SOX5: variants seen among roughly 807,000 people sequenced by gnomAD.
SOX5 encodes the protein SRY-box transcription factor 5.
A neutral mutation model predicts 92.0 loss-of-function variants in SOX5; 9 were observed. The ratio of observed to expected loss-of-function variants is 0.10; its 90% CI spans 0.06 to 0.17. The LOEUF (loss-of-function observed/expected upper bound fraction) is 0.17, where lower values mean the gene tolerates loss of function less well. Ranked by LOEUF, SOX5 falls within the 10% of genes least tolerant of loss-of-function variation. The probability of loss-of-function intolerance (pLI) is 1.00; values close to 1 mark genes in which losing one functional copy is unlikely to be tolerated. For synonymous variants in SOX5, 344 were observed against 336.3 expected (o/e 1.02, Z -0.25); for missense variants, 642 against 944.5 (o/e 0.68, Z 4.20).
At chr12:24,090,999 G>T (rs1944570200) in intron 4 of SOX5, among the ~76,000 whole-genome samples, 1 of 152,154 alleles carries the variant, frequency 6.6e-6, no homozygotes. Flanking sequence ...GAGTTCTGCT[G>T]CTATATTTTC....
intron 10 of SOX5, among the ~76,000 whole-genome samples, chr12:23,567,131 G>A (rs966723145): frequency 2.3e-4 from 35 of 152,302 alleles, no homozygotes; most frequent in African/African-American, 8.2e-4. Flanking sequence ...GTGAGGGGAT[G>A]TCATTCCTTG....
At chr12:23,904,477 G>A (rs1050455359) in intron 1 of SOX5, among the ~76,000 whole-genome samples, 1 of 152,080 alleles carries the variant, frequency 6.6e-6, no homozygotes, top group African/African-American at 2.4e-5. Flanking sequence ...AAACTTCCTT[G>A]TAATCTTCAC....
At chr12:23,926,646 C>A (rs1226594113) in intron 1 of SOX5, among the ~76,000 whole-genome samples, 1 of 151,914 alleles carries the variant, frequency 6.6e-6, no homozygotes, top group Non-Finnish European at 1.5e-5. Flanking sequence ...CAATTCATTT[C>A]TTTGTTTTAA....
At chr12:23,937,351 C>T (rs546479769) in intron 1 of SOX5, among the ~76,000 whole-genome samples, 3 of 150,976 alleles carry the variant, frequency 2.0e-5, no homozygotes, top group African/African-American at 7.2e-5. Context: ...TTCTCCCTCA[C>T]CTTTAGGTAA....
At chr12:23,755,805 A>T in intron 3 of SOX5, 81 bp from the exon 4 acceptor site, 1 of 894,486 alleles carries the variant, frequency 1.1e-6, no homozygotes, top group South Asian at 1.7e-5. Context: ...TCTGCTAAAA[A>T]TAAGGCCATC....
At chr12:23,616,421 G>C (rs977306497) in intron 8 of SOX5, among the ~76,000 whole-genome samples, 1 of 152,208 alleles carries the variant, frequency 6.6e-6, no homozygotes, top group Admixed American at 6.5e-5. Context: ...GTGCCTAGAG[G>C]AAAGTGGGAA....
At chr12:23,925,624 G>A (rs912865347) in intron 1 of SOX5, among the ~76,000 whole-genome samples, 6 of 152,026 alleles carry the variant, frequency 3.9e-5, no homozygotes, top group African/African-American at 1.4e-4. Context: ...TTATATTGAA[G>A]AGGTCTATAA....
chr12:23,997,075 T>C (rs1166032962), intron 4 of SOX5, among the ~76,000 whole-genome samples: 1 of 151,954 alleles, frequency 6.6e-6, no homozygotes, highest in Non-Finnish European at 1.5e-5. Context: ...GCAAAAACTG[T>C]CAAAAACAAC....
At chr12:23,794,192 TGTGC>T (rs1342464857) in intron 3 of SOX5, among the ~76,000 whole-genome samples, 1 of 152,150 alleles carries the variant, frequency 6.6e-6, no homozygotes, top group Non-Finnish European at 1.5e-5. Flanking sequence ...CTTTAATTGG[TGTGC>T]TGTTTACTGG....
chr12:24,538,317 C>T (rs916668358), intron 1 of SOX5, among the ~76,000 whole-genome samples: 1 of 152,118 alleles, frequency 6.6e-6, no homozygotes, highest in Non-Finnish European at 1.5e-5. Context: ...TGACCCTTTT[C>T]ACTTAAACAT....
chr12:23,822,834 T>C (rs562626341), intron 3 of SOX5, among the ~76,000 whole-genome samples: 26 of 152,356 alleles, frequency 1.7e-4, no homozygotes, highest in African/African-American at 6.3e-4. Context: ...ACATTTAGAA[T>C]AGTTAACTCT....
intron 1 of SOX5, among the ~76,000 whole-genome samples, chr12:24,456,042 A>C (rs1942983323): frequency 6.6e-6 from 1 of 151,956 alleles, no homozygotes; most frequent in South Asian, 2.1e-4. Flanking sequence ...CGAAAGTCTT[A>C]CTCCTCACAG....
intron 1 of SOX5, among the ~76,000 whole-genome samples, chr12:24,439,663 C>A (rs896661761): frequency 6.6e-6 from 1 of 152,046 alleles, no homozygotes; most frequent in Admixed American, 6.6e-5. Flanking sequence ...GGGAGGCCAA[C>A]GCGGGTGGAG....
chr12:23,752,407 T>C (rs1381435003), intron 4 of SOX5, among the ~76,000 whole-genome samples: 1 of 151,918 alleles, frequency 6.6e-6, no homozygotes, highest in Non-Finnish European at 1.5e-5. Flanking sequence ...TGCAGATATT[T>C]GTGTTATAAT....
In SOX5 at chr12:23,811,596, C is replaced by T. The variant is rs114549490; in HGVS notation, c.481+34387G>A. The stretch of plus-strand genomic sequence containing the variant: ...GACAATAATGCTTTCCTTTTTCCCA[C>T]TTGTGAGAAAATATATGTACATAAA... On this transcript the variant is annotated intron_variant, in intron 3 of 14. Transcript: ENST00000451604. 8.0e-3 allele frequency among the ~76,000 whole-genome samples: 1,213 copies of T among 152,110 alleles called. 27 individuals are homozygous for T. Among genetic ancestry groups the T allele is most frequent in the African/African-American group, 0.028 (1,153 of 41,528 alleles).
At chr12:24,233,676 T>C (rs1963868977) in intron 3 of SOX5, among the ~76,000 whole-genome samples, 1 of 152,198 alleles carries the variant, frequency 6.6e-6, no homozygotes, top group Non-Finnish European at 1.5e-5. Context: ...TTCTCTGAAT[T>C]TGGGACATTC....
At chr12:24,127,538 G>A (rs1949230040) in intron 4 of SOX5, among the ~76,000 whole-genome samples, 1 of 152,084 alleles carries the variant, frequency 6.6e-6, no homozygotes, top group Non-Finnish European at 1.5e-5. Flanking sequence ...CCACCTTGAA[G>A]GTAGATATTG....
intron 4 of SOX5, among the ~76,000 whole-genome samples, chr12:24,002,969 A>G (rs939913066): frequency 3.3e-5 from 5 of 152,128 alleles, no homozygotes; most frequent in Non-Finnish European, 7.4e-5. Context: ...AGAAAGAGTT[A>G]TAAGTGGAAT....
Position 23,783,135 on chromosome 12 carries a change from ATATTTTCT to A in SOX5, c.482-27419_482-27412del, listed in dbSNP as rs749157133. 4.6e-5 allele frequency among the ~76,000 whole-genome samples: 7 copies of A among 152,136 alleles called. No homozygotes were observed. In the East Asian group the frequency reaches 7.7e-4, roughly 17 times the overall value. On this transcript the variant is annotated intron_variant, in intron 3 of 14. Transcript: ENST00000451604. The stretch of plus-strand genomic sequence containing the variant: ...TTCAAGGCATATACTGTCTGAAATA[ATATTTTCT>A]TATTTTCTTATAATCTGTCTTCATC...
Sources: gnomAD v4.1 joint callset for allele counts (sites outside exome capture counted in the v4.1 genomes callset) on GRCh38, gnomAD v4.1.1 for gene constraint, MANE v1.5 for transcripts, NCBI Gene and HGNC (gene_info 2026-07-23, HGNC 2026-07-21) for gene names.